GALNT2: variants seen among roughly 807,000 people sequenced by gnomAD.
GALNT2 encodes UDP-GalNAc:polypeptide N-acetylgalactosaminyltransferase 2.
Under a neutral mutation model 81.4 loss-of-function variants are expected in GALNT2, and 31 were observed. The ratio of observed to expected loss-of-function variants is 0.38; its 90% CI spans 0.29 to 0.51. GALNT2 has a LOEUF of 0.51. Ranked by LOEUF, GALNT2 falls within the 20% of genes least tolerant of loss-of-function variation. The probability of loss-of-function intolerance (pLI) is 0.87; values close to 1 mark genes in which losing one functional copy is unlikely to be tolerated. For missense variants in GALNT2, 629 were observed against 765.7 expected (o/e 0.82, Z 2.11); for synonymous variants, 303 against 287.4 (o/e 1.05, Z -0.55).
At chr1:230,209,507 C>G (rs1664167523) in intron 3 of GALNT2, among the ~76,000 whole-genome samples, 1 of 152,200 alleles carries the variant, frequency 6.6e-6, no homozygotes, top group Admixed American at 6.5e-5. Context: ...CTGCTGGTAC[C>G]TTGAGCTGAG....
rs1219718433 is a variant in GALNT2, at chr1:230,078,285, G to A, written c.126+10879G>A. On this transcript the variant is annotated intron_variant, in intron 1 of 15. Transcript: ENST00000366672. Reference sequence around the variant, plus strand: ...GATACAATGTGTCGTATTTGGGGGGGGATCATGGAAGAAGCCAGATGTGCT... The same window carrying A: ...GATACAATGTGTCGTATTTGGGGGGAGATCATGGAAGAAGCCAGATGTGCT... Among the ~76,000 whole-genome samples the A allele has an allele frequency of 2.6e-5, 4 of 152,236 alleles. No individual in the cohort carries two copies. The South Asian group carries it at 6.2e-4, about 24-fold the overall frequency.
upstream of GALNT2, among the ~76,000 whole-genome samples, chr1:230,063,424 A>G (rs997013595): frequency 1.3e-5 from 2 of 152,104 alleles, no homozygotes; most frequent in Non-Finnish European, 2.9e-5. Context: ...CTGGAGGTAC[A>G]TTACAGTTTG....
rs182723005 is a variant in GALNT2 at position 230,089,789 on chromosome 1, A to G, written c.126+22383A>G. On this transcript the variant is annotated intron_variant, in intron 1 of 15. Coordinates refer to ENST00000366672, the MANE Select transcript of GALNT2 (RefSeq NM_004481.5). ...TAATAGTTCATTCTATGGACATACAACGTTGTGTTTATACATTACGCTGCT... is the reference window on the plus strand; with the variant it reads ...TAATAGTTCATTCTATGGACATACAGCGTTGTGTTTATACATTACGCTGCT... Among the ~76,000 whole-genome samples, 6 of 152,358 alleles carry G rather than the reference A, an allele frequency of 3.9e-5. No homozygotes were observed. The East Asian group carries it at 1.2e-3, about 29-fold the overall frequency.
Position 230,243,556 on chromosome 1 carries a change from C to T in GALNT2, c.729+129C>T, listed in dbSNP as rs1329734651. ...CAGGGCTGGTAGGGGCTGAGCTCGC[C>T]GTCTGCAGTTTTCCTTGATAGAAGG... On this transcript the variant is annotated intron_variant, in intron 7 of 15. Coordinates refer to ENST00000366672, the MANE Select transcript of GALNT2 (RefSeq NM_004481.5). This position sits in a 1 kb window ranked among gnomAD's most constrained non-coding sequence, Gnocchi z 4.2. The T allele has an allele frequency of 1.9e-5, 23 of 1,188,826 alleles. No homozygotes were observed. In the East Asian group the frequency reaches 4.1e-4, roughly 21 times the overall value. 73.6% of individuals were successfully genotyped at this position (1,188,826 alleles called of 1,614,324 possible).
At chr1:230,274,404 C>A in intron 14 of GALNT2, 41 bp from the exon 15 acceptor site, 1 of 1,602,782 alleles carries the variant, frequency 6.2e-7, no homozygotes, top group Non-Finnish European at 8.5e-7. Context: ...TTTCACAGCC[C>A]GGTGCATAGC....
At chr1:230,276,193 T>G (rs1203255302) in intron 15 of GALNT2, among the ~76,000 whole-genome samples, 2 of 152,054 alleles carry the variant, frequency 1.3e-5, no homozygotes, top group African/African-American at 2.4e-5. Flanking sequence ...ACACACAGTT[T>G]CTTTAAACAT....
chr1:230,202,123 A>G (rs992403767), intron 2 of GALNT2, among the ~76,000 whole-genome samples: 3 of 152,192 alleles, frequency 2.0e-5, no homozygotes, highest in Admixed American at 6.5e-5. Context: ...TTAATTTCAA[A>G]CAATGAATAG....
chr1:230,073,272 G>A (rs372157508), intron 1 of GALNT2, among the ~76,000 whole-genome samples: 77 of 152,310 alleles, frequency 5.1e-4, no homozygotes, highest in African/African-American at 1.8e-3. Context: ...TGATCTTCAT[G>A]ATGAACCCAG....
intron 1 of GALNT2, among the ~76,000 whole-genome samples, chr1:230,087,021 C>T (rs1004589076): frequency 6.6e-6 from 1 of 152,214 alleles, no homozygotes; most frequent in African/African-American, 2.4e-5. Context: ...GCACTTAACC[C>T]ACACCAGGCA....
intron 1 of GALNT2, among the ~76,000 whole-genome samples, chr1:230,087,289 T>C (rs570023252): frequency 1.3e-5 from 2 of 152,320 alleles, no homozygotes; most frequent in South Asian, 4.1e-4. Flanking sequence ...CGGTACTAAT[T>C]ACCGAATTTC....
In GALNT2 at chr1:230,250,576, A is replaced by C; in HGVS notation, c.1009+16A>C. 1 of 1,587,202 alleles carries C rather than the reference A, an allele frequency of 6.3e-7. No homozygotes were observed. Among genetic ancestry groups the C allele is most frequent in the Non-Finnish European group, 8.6e-7 (1 of 1,161,014 alleles). ...GAGAACCTAGGTATGTACAAGCCTC[A>C]AATCTCAGGACAGAGAAGTGCCTCA... On this transcript the variant is annotated intron_variant, in intron 10 of 15. Coordinates refer to ENST00000366672, the MANE Select transcript of GALNT2 (RefSeq NM_004481.5).
chr1:230,248,096 T>A (rs1339585149), intron 8 of GALNT2, among the ~76,000 whole-genome samples: 6 of 152,166 alleles, frequency 3.9e-5, no homozygotes, highest in African/African-American at 1.2e-4. Flanking sequence ...GAGGCCACTC[T>A]ATCCTGCAGT....
At chr1:230,236,874 C>A in intron 6 of GALNT2, 149 bp downstream of exon 6, 1 of 637,954 alleles carries the variant, frequency 1.6e-6, no homozygotes, top group Non-Finnish European at 2.6e-6. Flanking sequence ...CTTCTCCCAG[C>A]AAACACAGGA....
At chr1:230,185,793 CAAAT>C (rs1214089240) in intron 2 of GALNT2, among the ~76,000 whole-genome samples, 4 of 152,232 alleles carry the variant, frequency 2.6e-5, no homozygotes, top group African/African-American at 9.7e-5. Flanking sequence ...AAAACTCACA[CAAAT>C]ATAGCTGCCA....
upstream of GALNT2, among the ~76,000 whole-genome samples, chr1:230,065,645 A>T (rs1261068995): frequency 1.3e-5 from 2 of 152,170 alleles, no homozygotes; most frequent in Non-Finnish European, 2.9e-5. Flanking sequence ...AGGCATTTTG[A>T]GGCAGGGTTC....
At chr1:230,099,103 C>G (rs1018852643) in intron 1 of GALNT2, among the ~76,000 whole-genome samples, 1 of 152,166 alleles carries the variant, frequency 6.6e-6, no homozygotes, top group African/African-American at 2.4e-5. Flanking sequence ...GTTGGCCCTC[C>G]CTAGTCTCCT....
intron 1 of GALNT2, chr1:230,091,702 A>G (rs1660088399): frequency 1.3e-5 from 2 of 152,298 alleles, no homozygotes; most frequent in African/African-American, 4.8e-5. Context: ...AAGCACCAGC[A>G]AGATGGGGCT....
intron 3 of GALNT2, among the ~76,000 whole-genome samples, chr1:230,215,493 T>A (rs894043094): frequency 2.0e-5 from 3 of 152,162 alleles, no homozygotes; most frequent in Non-Finnish European, 4.4e-5. Flanking sequence ...TTTTAGTGAG[T>A]AGGTTGGTCT....
At chr1:230,127,457 C>A (rs1372442942) in intron 1 of GALNT2, among the ~76,000 whole-genome samples, 1 of 152,018 alleles carries the variant, frequency 6.6e-6, no homozygotes, top group Admixed American at 6.6e-5. Context: ...CTCACTGCAA[C>A]CTCCGCCTCC....
Sources: allele counts gnomAD v4.1 joint callset (sites outside exome capture counted in the v4.1 genomes callset), GRCh38; gene constraint gnomAD v4.1.1; non-coding constraint Gnocchi (gnomAD v3.1); transcripts MANE v1.5; gene names NCBI Gene and HGNC (gene_info 2026-07-23, HGNC 2026-07-21).